Variants in FBXL20 observed in about 807,000 individuals in gnomAD.
FBXL20 encodes the protein F-box/LRR-repeat protein 20.
A neutral mutation model predicts 64.0 loss-of-function variants in FBXL20; 11 were observed. The ratio of observed to expected loss-of-function variants is 0.17; its 90% CI spans 0.11 to 0.28. The LOEUF is 0.28. Among genes scored for constraint, FBXL20 ranks in the 10% least tolerant of loss-of-function variants. The probability of loss-of-function intolerance (pLI) is 1.00; values close to 1 mark genes in which losing one functional copy is unlikely to be tolerated. For synonymous variants in FBXL20, 184 were observed against 189.0 expected, an observed-to-expected ratio of 0.97 and a Z score of 0.22; for missense variants, 303 against 526.2, an observed-to-expected ratio of 0.58 and a Z score of 4.15.
intron 2 of FBXL20, among the ~76,000 whole-genome samples, chr17:39,330,417 C>T (rs1004513754): frequency 6.6e-6 from 1 of 152,132 alleles, no homozygotes; most frequent in Non-Finnish European, 1.5e-5. Flanking sequence ...AATTCAAGAC[C>T]AGCCTGGCCA....
chr17:39,348,572 G>C (rs2047657044), intron 1 of FBXL20, among the ~76,000 whole-genome samples: 1 of 152,120 alleles, frequency 6.6e-6, no homozygotes, highest in Non-Finnish European at 1.5e-5. Context: ...GATTACATTT[G>C]TGAGCCACTG....
chr17:39,356,051 T>C (rs982160049), intron 1 of FBXL20, among the ~76,000 whole-genome samples: 3 of 150,540 alleles, frequency 2.0e-5, no homozygotes, highest in Non-Finnish European at 4.4e-5. Context: ...CTGTCTCTAC[T>C]AAAAATACAA....
chr17:39,364,051 G>A (rs936342271), intron 1 of FBXL20, among the ~76,000 whole-genome samples: 2 of 151,586 alleles, frequency 1.3e-5, no homozygotes, highest in African/African-American at 4.8e-5. Context: ...CACCACGCTC[G>A]ACTAGTTTTT....
intron 9 of FBXL20, among the ~76,000 whole-genome samples, chr17:39,277,754 C>CA (rs34095802): frequency 0.02 from 1,771 of 89,854 alleles, 58 homozygotes; most frequent in African/African-American, 0.066. Flanking sequence ...AACTCCGTCT[C>CA]AAAAAAAAAA....
chr17:39,385,590 T>C (rs2048070167), intron 1 of FBXL20, among the ~76,000 whole-genome samples: 1 of 152,106 alleles, frequency 6.6e-6, no homozygotes, highest in Admixed American at 6.6e-5. Context: ...CTGAGAGACT[T>C]GAGGCTACTG....
At chr17:39,328,804 G>C (rs962048447) in intron 2 of FBXL20, among the ~76,000 whole-genome samples, 1 of 152,210 alleles carries the variant, frequency 6.6e-6, no homozygotes, top group Non-Finnish European at 1.5e-5. Flanking sequence ...TCTAATTCCA[G>C]TGATTTTGGA....
At chr17:39,297,337 G>T in intron 5 of FBXL20, 142 bp from the exon 6 acceptor site, 1 of 466,118 alleles carries the variant, frequency 2.1e-6, no homozygotes, top group Non-Finnish European at 3.8e-6. Flanking sequence ...CATGTATTTG[G>T]TCTTCATCTT....
At position 39,258,115 on chromosome 17, in the gene FBXL20, ACT is replaced by A. The variant is rs1443980710; in HGVS notation, c.*3343_*3344del. On this transcript the variant is annotated 3_prime_UTR_variant, in exon 15 of 15. Transcript: ENST00000264658. ...ATCCCCAAATCTCTTCTCTCTGTTC[ACT>A]GTTTTTTTCCATTATAAAAGGCATA... 6.6e-6 allele frequency: 1 copy of A among 152,068 alleles called. No homozygotes were observed. The highest frequency in any genetic ancestry group is 1.5e-5 in the Non-Finnish European group (1 of 68,018). The allele number at this position is 152,068 out of a possible 1,614,324, so 9.4% of individuals were successfully genotyped here. A position where few individuals can be genotyped will look rare whatever the true frequency, so the allele number is the denominator to read the frequency against.
intron 1 of FBXL20, among the ~76,000 whole-genome samples, chr17:39,381,214 T>G (rs2144654810): frequency 6.6e-6 from 1 of 151,066 alleles, no homozygotes; most frequent in Admixed American, 6.6e-5. Context: ...ACACAGTGGC[T>G]CATGCAATTC....
intron 12 of FBXL20, among the ~76,000 whole-genome samples, chr17:39,265,957 G>A (rs1236104448): frequency 6.6e-6 from 1 of 151,720 alleles, no homozygotes; most frequent in Non-Finnish European, 1.5e-5. Flanking sequence ...ATGTTACCCA[G>A]ACTGGTCTTC....
intron 1 of FBXL20, among the ~76,000 whole-genome samples, chr17:39,349,350 A>AGGCTGG (rs2047665264): frequency 1.3e-4 from 18 of 143,896 alleles, no homozygotes; most frequent in African/African-American, 4.3e-4. Context: ...AAAAAAAAAA[A>AGGCTGG]AAGGCTGGGA....
At chr17:39,283,314 A>G (rs188768587) in intron 7 of FBXL20, among the ~76,000 whole-genome samples, 2 of 152,262 alleles carry the variant, frequency 1.3e-5, no homozygotes, top group South Asian at 2.1e-4. Flanking sequence ...CAATATTTGC[A>G]TTATACTTAC....
intron 1 of FBXL20, among the ~76,000 whole-genome samples, chr17:39,379,241 C>A (rs866893327): frequency 4.0e-5 from 6 of 150,714 alleles, no homozygotes; most frequent in Non-Finnish European, 5.9e-5. Flanking sequence ...AATAAAATAA[C>A]ATAATAATAA....
At chr17:39,338,540 A>T (rs1832403757) in intron 2 of FBXL20, among the ~76,000 whole-genome samples, 1 of 151,866 alleles carries the variant, frequency 6.6e-6, no homozygotes, top group Admixed American at 6.6e-5. Context: ...ATAAAAAATA[A>T]TAATAATAAT....
intron 1 of FBXL20, among the ~76,000 whole-genome samples, chr17:39,347,203 C>T (rs185167771): frequency 6.6e-6 from 1 of 152,156 alleles, no homozygotes; most frequent in Non-Finnish European, 1.5e-5. Context: ...TGGGTATATA[C>T]CCAGTAATGG....
intron 1 of FBXL20, among the ~76,000 whole-genome samples, chr17:39,389,193 A>G (rs1188824762): frequency 6.6e-6 from 1 of 151,888 alleles, no homozygotes; most frequent in Non-Finnish European, 1.5e-5. Context: ...AGAATACTGA[A>G]TAATAATGAA....
At chr17:39,324,897 A>C (rs2047396039) in intron 2 of FBXL20, among the ~76,000 whole-genome samples, 2 of 152,220 alleles carry the variant, frequency 1.3e-5, no homozygotes, top group South Asian at 4.1e-4. Flanking sequence ...ACTCAAAAAA[A>C]GTCAAGGTCA....
In FBXL20 at chr17:39,252,694, A is replaced by C. The variant is rs1169989565; in HGVS notation, c.*8766T>G. ...GCTTACTTTCTTTAATTACATCATA[A>C]AACAAAATTAGAACATACAAGAAAC... On this transcript the variant is annotated 3_prime_UTR_variant, in exon 15 of 15. Transcript: ENST00000264658. The C allele has an allele frequency of 6.6e-6, 1 of 152,140 alleles. No individual in the cohort carries two copies. Among genetic ancestry groups the C allele is most frequent in the Non-Finnish European group, 1.5e-5 (1 of 68,016 alleles). The allele number at this position is 152,140 out of a possible 1,614,324, so 9.4% of individuals were successfully genotyped here. A position where few individuals can be genotyped will look rare whatever the true frequency, so the allele number is the denominator to read the frequency against.
chr17:39,275,846 C>T (rs1339842293), intron 9 of FBXL20, among the ~76,000 whole-genome samples: 1 of 152,062 alleles, frequency 6.6e-6, no homozygotes, highest in African/African-American at 2.4e-5. Flanking sequence ...AATATTGTAT[C>T]AGCCACAGCA....
Sources: gnomAD v4.1 joint callset for allele counts (sites outside exome capture counted in the v4.1 genomes callset) on GRCh38, gnomAD v4.1.1 for gene constraint, MANE v1.5 for transcripts, NCBI Gene and HGNC (gene_info 2026-07-23, HGNC 2026-07-21) for gene names.